SLC2A7: variants seen among roughly 807,000 people sequenced by gnomAD.
SLC2A7 encodes solute carrier family 2 member 7, also known as solute carrier family 2, facilitated glucose transporter member 7.
A neutral mutation model predicts 50.5 loss-of-function variants in SLC2A7; 50 were observed. The observed-to-expected ratio is 0.99, with a 90% CI of 0.79 to 1.25. SLC2A7 has a LOEUF of 1.25. Ranked by LOEUF, SLC2A7 falls within the 50% of genes most tolerant of loss-of-function variation. The pLI, the probability that SLC2A7 is intolerant of heterozygous loss-of-function variation, is 0.00. For missense variants in SLC2A7, 683 were observed against 679.1 expected (o/e 1.01, Z -0.06); for synonymous variants, 308 against 300.4 (o/e 1.03, Z -0.26).
At chr1:9,023,329 C>G (rs809966) in intron 2 of SLC2A7, among the ~76,000 whole-genome samples, 4 of 152,154 alleles carry the variant, frequency 2.6e-5, no homozygotes, top group Non-Finnish European at 5.9e-5. Flanking sequence ...TACTTTTGGC[C>G]GGACGCAGTG....
rs1399133772 is a variant in SLC2A7 at position 9,004,944 on chromosome 1, C to T, written c.1193-65G>A. The T allele has an allele frequency of 7.1e-6, 11 of 1,545,590 alleles. No individual in the cohort carries two copies. In the East Asian group the frequency reaches 9.3e-5, roughly 13 times the overall value. On this transcript the variant is annotated intron_variant, in intron 10 of 11. Transcript: ENST00000400906. ...CAGGTGTCCCCCAGGGCTGGCGGGA[C>T]GCGGCCCACTCTAGCCTCTGACCTA...
At chr1:9,026,251 T>C in intron 1 of SLC2A7, 44 bp downstream of exon 1, 3 of 1,593,650 alleles carry the variant, frequency 1.9e-6, no homozygotes, top group Non-Finnish European at 2.6e-6. Context: ...TCTGCACAGC[T>C]GGTGGGAGAG....
rs920760786 is a variant in SLC2A7, at chr1:9,004,839, C to A, written c.1233G>T (p.Gln411His). ...CCATGAAAGCTGCCCGCCGGGAGGA[C>A]TGCAGGAAGATCTCGGTCCTCACCA... ...PSVVRTEIFLQSSRRAAFMVD... is the reference protein window; with the variant it reads ...PSVVRTEIFLHSSRRAAFMVD... Residue 411 changes from glutamine to histidine, a missense_variant, in exon 11 of 12, where the codon CAG becomes CAT. Physicochemically the swap from Gln to His is conservative, Grantham distance 24. Coordinates refer to ENST00000400906, the MANE Select transcript of SLC2A7 (RefSeq NM_207420.3). 1 of 1,614,110 alleles carries A rather than the reference C, an allele frequency of 6.2e-7. No homozygotes were observed. Among genetic ancestry groups the A allele is most frequent in the South Asian group, 1.1e-5 (1 of 91,078 alleles).
At position 9,019,183 on chromosome 1, in the gene SLC2A7, TGAGCCG is replaced by T; in HGVS notation, c.436+20_436+25del. On this transcript the variant is annotated intron_variant, in intron 4 of 11. Coordinates refer to ENST00000400906, the MANE Select transcript of SLC2A7 (RefSeq NM_207420.3). ...GCCAAACAGACCCTTCCCCCAAGGC[TGAGCCG>T]GAGCCTGGGCCCCAGGTACCTGCAC... The T allele has an allele frequency of 6.2e-7, 1 of 1,610,638 alleles. No individual in the cohort carries two copies. Among genetic ancestry groups the T allele is most frequent in the Non-Finnish European group, 8.5e-7 (1 of 1,177,998 alleles).
At position 9,019,232 on chromosome 1, in the gene SLC2A7, C is replaced by T. The variant is rs780578803; in HGVS notation, c.413G>A (p.Arg138Gln). 32 of 1,613,874 alleles carry T rather than the reference C, an allele frequency of 2.0e-5. No individual in the cohort carries two copies. The highest frequency in any genetic ancestry group is 2.5e-5 in the Non-Finnish European group (30 of 1,179,962). ...AKAFELIVFSRVVLGVCAGIS... is the reference protein window; with the variant it reads ...AKAFELIVFSQVVLGVCAGIS... ...ACCTGCACAGACTCCCAGCACCACT[C>T]GGGAAAAGACGATCAGCTCAAAAGC... The change falls in exon 4 of 12, where the codon CGA (arginine) becomes CAA (glutamine). Residue 138 changes from arginine to glutamine, a missense_variant. Transcript: ENST00000400906.
chr1:9,004,313 AC>A (rs1164743290), intron 11 of SLC2A7, among the ~76,000 whole-genome samples: 1 of 135,878 alleles, frequency 7.4e-6, no homozygotes, highest in Non-Finnish European at 1.6e-5. Context: ...AGCCTGGGTG[AC>A]AGAGCAAGGC....
intron 8 of SLC2A7, among the ~76,000 whole-genome samples, chr1:9,012,441 G>A (rs1569792721): frequency 6.6e-6 from 1 of 152,176 alleles, no homozygotes; most frequent in African/African-American, 2.4e-5. Context: ...TCCAGCAGGA[G>A]GAAGGGGTTG....
Position 9,019,193 on chromosome 1 carries a change from C to T in SLC2A7, c.436+16G>A. ...CCCTTCCCCCAAGGCTGAGCCGGAG[C>T]CTGGGCCCCAGGTACCTGCACAGAC... On this transcript the variant is annotated intron_variant, in intron 4 of 11. Transcript: ENST00000400906. The T allele has an allele frequency of 6.2e-7, 1 of 1,612,230 alleles. No homozygotes were observed. The highest frequency in any genetic ancestry group is 1.7e-5 in the Admixed American group (1 of 59,790).
chr1:9,014,566 G>A (rs1640796870), intron 7 of SLC2A7, 115 bp downstream of exon 7: 8 of 1,293,866 alleles, frequency 6.2e-6, no homozygotes, highest in Non-Finnish European at 7.4e-6. Context: ...GCTCTGCCTG[G>A]ACTGATCCTG....
chr1:9,003,508 C>T lies in SLC2A7; in HGVS notation c.1331G>A (p.Gly444Asp). The T allele has an allele frequency of 6.2e-7, 1 of 1,614,140 alleles. No individual in the cohort carries two copies. Among genetic ancestry groups the T allele is most frequent in the Non-Finnish European group, 8.5e-7 (1 of 1,180,004 alleles). ...FLFPSIQEAI[G>D]AYSFIIFAGI... ...GGCAAAGATGATGAAACTGTAGGCA[C>T]CGATGGCCTCCTAGACCAGGAGACG... Residue 444 changes from glycine to aspartate, a missense_variant, in exon 12 of 12, where the codon GGT becomes GAT. Gly to Asp is a moderately conservative substitution (Grantham distance 94). Coordinates refer to ENST00000400906, the MANE Select transcript of SLC2A7 (RefSeq NM_207420.3).
At chr1:9,025,274 T>C (rs1257956297) in intron 1 of SLC2A7, among the ~76,000 whole-genome samples, 200 bp from the exon 2 acceptor site, 1 of 152,084 alleles carries the variant, frequency 6.6e-6, no homozygotes, top group Admixed American at 6.5e-5. Flanking sequence ...ATTCCCTCCT[T>C]GAGGATGTAT....
downstream of SLC2A7, among the ~76,000 whole-genome samples, chr1:9,001,912 A>G (rs1358293287): frequency 6.6e-6 from 1 of 152,236 alleles, no homozygotes; most frequent in South Asian, 2.1e-4. Context: ...ACTAAGAAAA[A>G]TTCTTCTGCC....
At chr1:9,017,569 G>A (rs752102872) in intron 5 of SLC2A7, among the ~76,000 whole-genome samples, 33 of 152,216 alleles carry the variant, frequency 2.2e-4, no homozygotes, top group Non-Finnish European at 4.0e-4. Flanking sequence ...TCGGCTGTCC[G>A]TACTCTGTTG....
rs549806224 is a variant in SLC2A7, at chr1:9,008,060, A to G, written c.1117-675T>C. Among the ~76,000 whole-genome samples the G allele has an allele frequency of 2.0e-5, 3 of 151,382 alleles. No homozygotes were observed. Among genetic ancestry groups the G allele is most frequent in the Non-Finnish European group, 2.9e-5 (2 of 67,842 alleles). On this transcript the variant is annotated intron_variant, in intron 9 of 11. Coordinates refer to ENST00000400906, the MANE Select transcript of SLC2A7 (RefSeq NM_207420.3). This position sits in a 1 kb window ranked among gnomAD's most constrained non-coding sequence, Gnocchi z 5.9. ...GGACTTTCTCTACCATTCTCTGGAG[A>G]CTCCTAGGACCCCCGGACCCGTGGA...
At chr1:9,016,136 C>G (rs181070301) in intron 5 of SLC2A7, among the ~76,000 whole-genome samples, 23 of 152,164 alleles carry the variant, frequency 1.5e-4, no homozygotes, top group African/African-American at 5.3e-4. Flanking sequence ...CTCTAATTGA[C>G]GATTTAATAC....
rs531571920 is a variant in SLC2A7 at position 9,007,198 on chromosome 1, C to T, written c.1192+112G>A. ...AGAACGTGTGGGATCTGCGTGAGCA[C>T]GGGGACCAAGGACGTCCATTCACTC... On this transcript the variant is annotated intron_variant, in intron 10 of 11. Transcript: ENST00000400906. The T allele has an allele frequency of 2.4e-4, 296 of 1,233,446 alleles. 2 individuals carry two copies. The highest frequency in any genetic ancestry group is 1.4e-3 in the East Asian group (58 of 42,400). The allele number at this position is 1,233,446 out of a possible 1,614,324, so 76.4% of individuals were successfully genotyped here. A position where few individuals can be genotyped will look rare whatever the true frequency, so the allele number is the denominator to read the frequency against.
downstream of SLC2A7, among the ~76,000 whole-genome samples, chr1:9,002,581 C>T (rs1405792548): frequency 1.3e-5 from 2 of 152,304 alleles, no homozygotes; most frequent in African/African-American, 4.8e-5. Flanking sequence ...CACCATTACT[C>T]TATAGTCCTG....
At chr1:9,014,191 A>G (rs1640791640) in intron 7 of SLC2A7, among the ~76,000 whole-genome samples, 1 of 152,228 alleles carries the variant, frequency 6.6e-6, no homozygotes, top group Non-Finnish European at 1.5e-5. Context: ...CAACTGGGTC[A>G]CCCACCCAAT....
chr1:9,026,221 C>A lies in SLC2A7; in HGVS notation c.51+74G>T, dbSNP rs1640998835. 3 of 1,502,276 alleles carry A rather than the reference C, an allele frequency of 2.0e-6. No individual in the cohort carries two copies. The African/African-American group carries it at 4.1e-5, about 21-fold the overall frequency. 93.1% of individuals were successfully genotyped at this position (1,502,276 alleles called of 1,614,324 possible). ...GCTCCTTGCTAAAAGCATTCCACGGCCTTCACCTCCCTCCACAGGTCTGCA... is the reference window on the plus strand; with the variant it reads ...GCTCCTTGCTAAAAGCATTCCACGGACTTCACCTCCCTCCACAGGTCTGCA... On this transcript the variant is annotated intron_variant, in intron 1 of 11. Coordinates refer to ENST00000400906, the MANE Select transcript of SLC2A7 (RefSeq NM_207420.3).
Sources: gnomAD v4.1 joint callset for allele counts (sites outside exome capture counted in the v4.1 genomes callset) on GRCh38, gnomAD v4.1.1 for gene constraint, Gnocchi (gnomAD v3.1) non-coding constraint, MANE v1.5 for transcripts, NCBI Gene and HGNC (gene_info 2026-07-23, HGNC 2026-07-21) for gene names.